The following FUT8 variants were observed in gnomAD, a reference collection of about 807,000 sequenced individuals.
FUT8 encodes alpha-(1,6)-fucosyltransferase.
Under a neutral mutation model 71.3 loss-of-function variants are expected in FUT8, and 29 were observed. The ratio of observed to expected loss-of-function variants is 0.41; its 90% CI spans 0.30 to 0.55. FUT8 has a LOEUF of 0.55. Ranked by LOEUF, FUT8 falls within the 20% of genes least tolerant of loss-of-function variation. The probability of loss-of-function intolerance (pLI) is 0.34; values close to 1 mark genes in which losing one functional copy is unlikely to be tolerated. For synonymous variants in FUT8, 254 were observed against 239.3 expected (o/e 1.06, Z -0.57); for missense variants, 544 against 702.1 (o/e 0.77, Z 2.55).
chr14:65,714,844 A>T (rs888557257), intron 7 of FUT8, among the ~76,000 whole-genome samples: 2 of 152,060 alleles, frequency 1.3e-5, no homozygotes, highest in Non-Finnish European at 2.9e-5. Context: ...ATTTGTAACT[A>T]TTGTAAATTG....
intron 3 of FUT8, among the ~76,000 whole-genome samples, chr14:65,604,329 C>G (rs1888457987): frequency 6.6e-6 from 1 of 151,762 alleles, no homozygotes; most frequent in Non-Finnish European, 1.5e-5. Context: ...GGAACTTTCT[C>G]CAAGGTAGAC....
At chr14:65,370,667 T>C in the FUT8 span, among the ~76,000 whole-genome samples, 1 of 151,278 alleles carries the variant, frequency 6.6e-6, no homozygotes, top group Non-Finnish European at 1.5e-5. Flanking sequence ...ATTATGTATA[T>C]AATTTGTCTT....
At chr14:65,458,014 C>G (rs2065917892) in intron 2 of FUT8, 1 of 151,958 alleles carries the variant, frequency 6.6e-6, no homozygotes, top group African/African-American at 2.4e-5. Context: ...AACCCCGTCT[C>G]TACTAAAAAT....
the FUT8 span, among the ~76,000 whole-genome samples, chr14:65,391,377 C>T: frequency 7.2e-5 from 11 of 151,986 alleles, no homozygotes; most frequent in African/African-American, 1.9e-4. Context: ...TTTTTTGAGA[C>T]GGAATTTCAC....
chr14:65,384,999 C>A, the FUT8 span, among the ~76,000 whole-genome samples: 1 of 151,828 alleles, frequency 6.6e-6, no homozygotes, highest in African/African-American at 2.4e-5. This position sits in a 1 kb window ranked among gnomAD's most constrained non-coding sequence, Gnocchi z 4.2. Flanking sequence ...TCAAGCAATT[C>A]TCCTGCCTCA....
chr14:65,582,568 C>T (rs892487138), intron 3 of FUT8, among the ~76,000 whole-genome samples: 1 of 152,156 alleles, frequency 6.6e-6, no homozygotes, highest in Non-Finnish European at 1.5e-5. Context: ...CTAAGCGTGT[C>T]TTCTTCTGAG....
At chr14:65,547,477 T>G (rs559780609) in intron 2 of FUT8, among the ~76,000 whole-genome samples, 22 of 151,688 alleles carry the variant, frequency 1.5e-4, no homozygotes, top group African/African-American at 5.3e-4. Context: ...AAATTAGAAA[T>G]GAGGAGGGGG....
At chr14:65,405,167 G>C in the FUT8 span, among the ~76,000 whole-genome samples, 8 of 152,152 alleles carry the variant, frequency 5.3e-5, no homozygotes, top group East Asian at 1.4e-3. Flanking sequence ...CGATAAGAAG[G>C]GTGCATCTCC....
At chr14:65,619,000 T>TG (rs1889457859) in intron 5 of FUT8, among the ~76,000 whole-genome samples, 1 of 152,176 alleles carries the variant, frequency 6.6e-6, no homozygotes. Flanking sequence ...ACTTTGTACT[T>TG]GCGATGGCAT....
chr14:65,379,626 C>A, the FUT8 span, among the ~76,000 whole-genome samples: 6 of 152,146 alleles, frequency 3.9e-5, no homozygotes, highest in African/African-American at 1.4e-4. Flanking sequence ...GATCCAGTCT[C>A]CACAGCACTG....
chr14:65,544,235 C>T (rs1419338273), intron 2 of FUT8, among the ~76,000 whole-genome samples: 5 of 152,076 alleles, frequency 3.3e-5, no homozygotes, highest in African/African-American at 4.8e-5. Context: ...GGTTTCTAAG[C>T]AAGGGAAAGA....
intron 2 of FUT8, among the ~76,000 whole-genome samples, chr14:65,527,032 T>G (rs1311447879): frequency 6.6e-6 from 1 of 152,190 alleles, no homozygotes; most frequent in Non-Finnish European, 1.5e-5. Context: ...AATCTGACAA[T>G]TATGTGTCTT....
At position 65,652,770 on chromosome 14, in the gene FUT8, A is replaced by G. The variant is rs557937234; in HGVS notation, c.598-16473A>G. Among the ~76,000 whole-genome samples the G allele has an allele frequency of 1.1e-4, 16 of 152,338 alleles. No homozygotes were observed. Among genetic ancestry groups the G allele is most frequent in the African/African-American group, 3.8e-4 (16 of 41,582 alleles). On this transcript the variant is annotated intron_variant, in intron 6 of 10. Coordinates refer to ENST00000673929, the MANE Select transcript of FUT8 (RefSeq NM_001371533.1). The surrounding 1 kb of genome is among the most constrained non-coding windows in gnomAD (Gnocchi z 4.0). Reference sequence around the variant, plus strand: ...AGAAAGAATGAATGAAACTTCTACTAAACCTACCTATACTCCAGCTGTCCC... The same window carrying G: ...AGAAAGAATGAATGAAACTTCTACTGAACCTACCTATACTCCAGCTGTCCC...
intron 6 of FUT8, among the ~76,000 whole-genome samples, chr14:65,653,840 G>T (rs1468594349): frequency 1.4e-4 from 22 of 152,176 alleles, no homozygotes; most frequent in Admixed American, 4.6e-4. Flanking sequence ...TTAAAACCTT[G>T]TGCTGAAAGG....
chr14:65,597,312 T>C (rs1888032612), intron 3 of FUT8, among the ~76,000 whole-genome samples: 1 of 152,214 alleles, frequency 6.6e-6, no homozygotes, highest in African/African-American at 2.4e-5. Context: ...TTTTCAGTGA[T>C]GGTGGTGGAT....
chr14:65,361,619 C>G, the FUT8 span, among the ~76,000 whole-genome samples: 1 of 151,780 alleles, frequency 6.6e-6, no homozygotes, highest in South Asian at 2.1e-4. Context: ...GAAACCCTGT[C>G]TCTACTAAAA....
chr14:65,576,696 C>CTT (rs376473739), intron 3 of FUT8, among the ~76,000 whole-genome samples: 3 of 96,218 alleles, frequency 3.1e-5, no homozygotes, highest in African/African-American at 6.3e-5. Flanking sequence ...GCCCAGCTTG[C>CTT]TTTTTTTTTT....
intron 7 of FUT8, among the ~76,000 whole-genome samples, chr14:65,677,151 T>C (rs140890326): frequency 0.043 from 4,810 of 110,706 alleles, 177 homozygotes; most frequent in African/African-American, 0.11. Flanking sequence ...TGTGTGTGTG[T>C]GCGCGCGCGC....
Position 65,439,954 on chromosome 14 carries a change from G to GTGTATGTATATATA in FUT8, c.-325-15666_-325-15665insGTATGTATATATAT. ...ATAAAGAAAATGTGTGTGTGTGTGTGTATATATATATATATATATATATAT... is the reference window on the plus strand; with the variant it reads ...ATAAAGAAAATGTGTGTGTGTGTGTGTGTATGTATATATATATATATATATATATATATATATAT... On this transcript the variant is annotated intron_variant, in intron 1 of 10. Coordinates refer to ENST00000673929, the MANE Select transcript of FUT8 (RefSeq NM_001371533.1). 1.1e-3 allele frequency among the ~76,000 whole-genome samples: 79 copies of GTGTATGTATATATA among 74,972 alleles called. 2 individuals are homozygous for GTGTATGTATATATA. Among genetic ancestry groups the GTGTATGTATATATA allele is most frequent in the African/African-American group, 3.2e-3 (64 of 19,790 alleles). 49.2% of individuals were successfully genotyped at this position (74,972 alleles called of 152,430 possible).
Sources: gnomAD v4.1 joint callset for allele counts (sites outside exome capture counted in the v4.1 genomes callset) on GRCh38, gnomAD v4.1.1 for gene constraint, Gnocchi (gnomAD v3.1) non-coding constraint, MANE v1.5 for transcripts, NCBI Gene and HGNC (gene_info 2026-07-23, HGNC 2026-07-21) for gene names.